Variants in RASAL2 observed in about 807,000 individuals in gnomAD.
RASAL2 encodes ras GTPase-activating protein nGAP.
Under a neutral mutation model 128.9 loss-of-function variants are expected in RASAL2, and 58 were observed. That is an observed-to-expected ratio of 0.45 (90% CI 0.36 to 0.56). The LOEUF (loss-of-function observed/expected upper bound fraction) is 0.56. Among genes scored for constraint, RASAL2 ranks in the 20% least tolerant of loss-of-function variants. RASAL2 has a pLI of 0.00. For missense variants in RASAL2, 1,360 were observed against 1,601.6 expected, an observed-to-expected ratio of 0.85 and a Z score of 2.57; for synonymous variants, 561 against 580.8, an observed-to-expected ratio of 0.97 and a Z score of 0.49.
chr1:178,219,906 T>G (rs1176677518), intron 1 of RASAL2, among the ~76,000 whole-genome samples: 6 of 152,108 alleles, frequency 3.9e-5, no homozygotes, highest in Admixed American at 3.9e-4. Context: ...TGAGGCCTAG[T>G]GGGAGGTGTC....
chr1:178,427,765 G>A (rs985961873), intron 5 of RASAL2, among the ~76,000 whole-genome samples: 2 of 151,954 alleles, frequency 1.3e-5, no homozygotes, highest in African/African-American at 2.4e-5. Context: ...TTCAGTTTTC[G>A]CCAATTTTAC....
chr1:178,285,850 G>C (rs1667002473), intron 2 of RASAL2, among the ~76,000 whole-genome samples: 1 of 152,158 alleles, frequency 6.6e-6, no homozygotes, highest in Non-Finnish European at 1.5e-5. Context: ...ATAGCTTTAA[G>C]TATAGATAGC....
At chr1:178,276,230 C>CT (rs1214061140) in intron 1 of RASAL2, among the ~76,000 whole-genome samples, 3 of 152,078 alleles carry the variant, frequency 2.0e-5, no homozygotes, top group Non-Finnish European at 4.4e-5. Context: ...GGTTATCAGT[C>CT]TAAGAAAATT....
chr1:178,381,133 A>G (rs1320705629), intron 3 of RASAL2, among the ~76,000 whole-genome samples: 1 of 152,206 alleles, frequency 6.6e-6, no homozygotes, highest in African/African-American at 2.4e-5. Context: ...GAAAGGACTA[A>G]ATATGCAAAG....
chr1:178,135,494 CA>C (rs1294006299), intron 1 of RASAL2, among the ~76,000 whole-genome samples: 9 of 21,204 alleles, frequency 4.2e-4, no homozygotes, highest in African/African-American at 1.4e-3. Flanking sequence ...CTTGTCTCTT[CA>C]TAAAAAAAAA....
chr1:178,453,927 G>A (rs10913553), intron 11 of RASAL2, among the ~76,000 whole-genome samples: 4 of 151,794 alleles, frequency 2.6e-5, no homozygotes, highest in African/African-American at 7.3e-5. Context: ...CATATTTATC[G>A]ATATTTGAGC....
At position 178,167,882 on chromosome 1, in the gene RASAL2, CTGT is replaced by C. The variant is rs1240029700; in HGVS notation, c.202+73195_202+73197del. 2.6e-5 allele frequency among the ~76,000 whole-genome samples: 4 copies of C among 152,140 alleles called. No homozygotes were observed. In the East Asian group the frequency reaches 7.7e-4, roughly 29 times the overall value. ...AAAACCTGTGTTGCTCAAGGATTGACTGTTGTTGTGTGAGGAAAGGATAAACAG... is the reference window on the plus strand; with the variant it reads ...AAAACCTGTGTTGCTCAAGGATTGACTGTTGTGTGAGGAAAGGATAAACAG... On this transcript the variant is annotated intron_variant, in intron 1 of 17. Coordinates refer to ENST00000367649, the MANE Select transcript of RASAL2 (RefSeq NM_170692.4).
At chr1:178,341,373 C>G in intron 3 of RASAL2, 2 of 1,332,070 alleles carry the variant, frequency 1.5e-6, no homozygotes, top group Non-Finnish European at 1.9e-6. Flanking sequence ...GTTTAGTGCT[C>G]TCTAGCAAAA....
chr1:178,218,672 G>A (rs1663510853), intron 1 of RASAL2, among the ~76,000 whole-genome samples: 1 of 152,192 alleles, frequency 6.6e-6, no homozygotes, highest in Non-Finnish European at 1.5e-5. Context: ...GGCGACAAGA[G>A]CGAGACTCCG....
At chr1:178,320,823 TTTA>T (rs2102334003) in intron 3 of RASAL2, among the ~76,000 whole-genome samples, 1 of 152,250 alleles carries the variant, frequency 6.6e-6, no homozygotes, top group Non-Finnish European at 1.5e-5. Context: ...CTCCCCTCAC[TTTA>T]TTATTATGAC....
intron 1 of RASAL2, among the ~76,000 whole-genome samples, chr1:178,221,136 T>G (rs1663600164): frequency 1.3e-5 from 2 of 152,216 alleles, no homozygotes; most frequent in African/African-American, 4.8e-5. Flanking sequence ...TGTAATGATA[T>G]GTCGTTGTTT....
chr1:178,356,364 T>C (rs1407113260), intron 3 of RASAL2, among the ~76,000 whole-genome samples: 3 of 152,192 alleles, frequency 2.0e-5, no homozygotes, highest in Non-Finnish European at 4.4e-5. Flanking sequence ...AAAGTAATGC[T>C]AACCCAACAT....
chr1:178,213,301 C>T (rs539242341), intron 1 of RASAL2, among the ~76,000 whole-genome samples: 1 of 152,296 alleles, frequency 6.6e-6, no homozygotes, highest in South Asian at 2.1e-4. Context: ...GCCTCGGCTT[C>T]CCAAAGTGCA....
intron 1 of RASAL2, among the ~76,000 whole-genome samples, chr1:178,151,292 G>A (rs1245751278): frequency 6.6e-6 from 1 of 152,084 alleles, no homozygotes; most frequent in Non-Finnish European, 1.5e-5. Flanking sequence ...TGTGGTCCTA[G>A]CTACTCAGAG....
intron 1 of RASAL2, among the ~76,000 whole-genome samples, chr1:178,255,708 ATAACT>A (rs1245253126): frequency 6.6e-6 from 1 of 152,086 alleles, no homozygotes; most frequent in South Asian, 2.1e-4. Context: ...AAAATGAAAA[ATAACT>A]TTATTTAAAT....
chr1:178,456,752 G>C lies in RASAL2; in HGVS notation c.2243G>C (p.Arg748Pro), dbSNP rs761936330. ...GTGGCAAAATTGGGGCCTCTCCCTC[G>C]TGTTCTTGCTGATATTACCAAGTCA... is the stretch of plus-strand genomic sequence containing the variant. ...ATVAKLGPLP[R>P]VLADITKSLT... The change falls in exon 13 of 18, where the codon CGT becomes CCT. Residue 748 changes from arginine (R) to proline (P), a missense_variant. Arg to Pro is a moderately radical substitution (Grantham distance 103). Coordinates refer to ENST00000367649, the MANE Select transcript of RASAL2 (RefSeq NM_170692.4). The C allele has an allele frequency of 3.1e-6, 5 of 1,613,928 alleles. No homozygotes were observed. In the Admixed American group the frequency reaches 6.7e-5, roughly 22 times the overall value.
At chr1:178,284,187 A>G (rs187631113) in intron 2 of RASAL2, among the ~76,000 whole-genome samples, 1 of 152,334 alleles carries the variant, frequency 6.6e-6, no homozygotes, top group African/African-American at 2.4e-5. Context: ...GCAAGGGAAG[A>G]AAGTGATGTT....
chr1:178,473,403 C>A lies in RASAL2; in HGVS notation c.*164C>A. The A allele has an allele frequency of 1.2e-6, 1 of 836,142 alleles. No individual in the cohort carries two copies. Among genetic ancestry groups the A allele is most frequent in the Non-Finnish European group, 1.8e-6 (1 of 548,478 alleles). The allele number at this position is 836,142 out of a possible 1,614,324, so 51.8% of individuals were successfully genotyped here. On this transcript the variant is annotated 3_prime_UTR_variant, in exon 18 of 18. Transcript: ENST00000367649. ...GAACCTTGTCTTTCAGGGCATAAGG[C>A]GGCGACTTCCAAGGTCAATGCTTTT...
chr1:178,386,380 C>T (rs1001209733), intron 3 of RASAL2, among the ~76,000 whole-genome samples: 1 of 152,150 alleles, frequency 6.6e-6, no homozygotes, highest in African/African-American at 2.4e-5. Context: ...ATGGCGAAGA[C>T]CAGGACAGAA....
Sources: allele counts gnomAD v4.1 joint callset (sites outside exome capture counted in the v4.1 genomes callset), GRCh38; gene constraint gnomAD v4.1.1; transcripts MANE v1.5; gene names NCBI Gene and HGNC (gene_info 2026-07-23, HGNC 2026-07-21).